TRMT9B: variants seen among roughly 807,000 people sequenced by gnomAD.
TRMT9B encodes the protein probable tRNA methyltransferase 9B.
A neutral mutation model predicts 11.5 loss-of-function variants in TRMT9B; 16 were observed. The observed-to-expected ratio is 1.39, with a 90% CI of 0.94 to 2.11. TRMT9B has a LOEUF of 2.11. Among genes scored for constraint, TRMT9B ranks in the 30% most tolerant of loss-of-function variants. The pLI is 0.00. For synonymous variants in TRMT9B, 274 were observed against 192.4 expected (o/e 1.42, Z -3.51); for missense variants, 941 against 553.8 (o/e 1.70, Z -7.02).
chr8:13,004,851 C>G (rs949043801), intron 2 of TRMT9B, among the ~76,000 whole-genome samples: 1 of 151,948 alleles, frequency 6.6e-6, no homozygotes, highest in Non-Finnish European at 1.5e-5. Context: ...GGGAAGGGGT[C>G]TTTGGAAAGG....
intron 1 of TRMT9B, chr8:12,961,785 C>T (rs1206621794): frequency 6.6e-6 from 1 of 151,834 alleles, no homozygotes. Context: ...TACATAGCTC[C>T]AAGTCAAAAG....
At chr8:13,000,802 G>T (rs1002332884) in intron 2 of TRMT9B, among the ~76,000 whole-genome samples, 6 of 152,188 alleles carry the variant, frequency 3.9e-5, no homozygotes, top group African/African-American at 1.4e-4. Context: ...TAAAAAAGCA[G>T]TTTCCCTGCC....
At chr8:12,971,778 T>A (rs1803667557) in intron 1 of TRMT9B, among the ~76,000 whole-genome samples, 1 of 152,354 alleles carries the variant, frequency 6.6e-6, no homozygotes, top group Non-Finnish European at 1.5e-5. Flanking sequence ...CGCTTTTACA[T>A]ATTATAAGCA....
At chr8:12,991,954 C>T (rs545577025) in intron 2 of TRMT9B, among the ~76,000 whole-genome samples, 2 of 152,144 alleles carry the variant, frequency 1.3e-5, no homozygotes, top group East Asian at 1.9e-4. Flanking sequence ...AACAACAGAC[C>T]TCTGGGGCAG....
intron 1 of TRMT9B, among the ~76,000 whole-genome samples, chr8:12,955,627 C>G (rs1003941161): frequency 1.3e-5 from 2 of 152,158 alleles, no homozygotes; most frequent in African/African-American, 4.8e-5. Context: ...TTCCATGGTT[C>G]TTCTGGGGTG....
chr8:13,021,789 T>G lies in TRMT9B; in HGVS notation c.1110T>G (p.Pro370=), dbSNP rs1280749163. Residue 370 remains proline, a synonymous_variant, in exon 5 of 5, where the codon CCT becomes CCG. Coordinates refer to ENST00000524591, the MANE Select transcript of TRMT9B (RefSeq NM_020844.3). ...CAGGCAACATAGAAGATGATAATCC[T>G]TCTGCTAGTAAAATATTGAGAAGGA... ...VDAGNIEDDN[P]SASKILRRIS... The G allele has an allele frequency of 6.2e-7, 1 of 1,613,854 alleles. No homozygotes were observed. The highest frequency in any genetic ancestry group is 1.7e-5 in the Admixed American group (1 of 60,006).
At chr8:12,995,568 C>A (rs1339548099) in intron 2 of TRMT9B, among the ~76,000 whole-genome samples, 1 of 152,134 alleles carries the variant, frequency 6.6e-6, no homozygotes, top group Non-Finnish European at 1.5e-5. Flanking sequence ...TGCACTTCCC[C>A]TGGTTTCTTT....
At position 13,022,214 on chromosome 8, in the gene TRMT9B, A is replaced by T. The variant is rs531178582; in HGVS notation, c.*170A>T. ...TGTTTTCATTTTTGAATAAGCACAGATTCTGGCATTGAAAGCACTTGACAA... is the reference window on the plus strand; with the variant it reads ...TGTTTTCATTTTTGAATAAGCACAGTTTCTGGCATTGAAAGCACTTGACAA... On this transcript the variant is annotated 3_prime_UTR_variant, in exon 5 of 5. Coordinates refer to ENST00000524591, the MANE Select transcript of TRMT9B (RefSeq NM_020844.3). 13 of 550,280 alleles carry T rather than the reference A, an allele frequency of 2.4e-5. No individual in the cohort carries two copies. In the South Asian group the frequency reaches 3.8e-4, roughly 16 times the overall value. The allele number at this position is 550,280 out of a possible 1,614,324, so 34.1% of individuals were successfully genotyped here.
intron 1 of TRMT9B, chr8:12,961,908 T>C (rs1006897930): frequency 6.6e-6 from 1 of 152,228 alleles, no homozygotes; most frequent in African/African-American, 2.4e-5. Flanking sequence ...GCGAGGAGAA[T>C]ATATTCAATC....
chr8:12,994,045 C>G (rs958767930), intron 2 of TRMT9B, among the ~76,000 whole-genome samples: 2 of 152,234 alleles, frequency 1.3e-5, no homozygotes, highest in African/African-American at 4.8e-5. Context: ...GAATAACTGT[C>G]CGAGACTGGA....
chr8:12,950,533 G>A (rs1410565454), intron 1 of TRMT9B, among the ~76,000 whole-genome samples: 1 of 112,830 alleles, frequency 8.9e-6, no homozygotes, highest in Non-Finnish European at 2.2e-5. Flanking sequence ...CCAGACTCGT[G>A]GTTTTTTCTT....
chr8:12,951,878 C>G (rs955493480), intron 1 of TRMT9B: 5 of 152,330 alleles, frequency 3.3e-5, no homozygotes, highest in African/African-American at 1.2e-4. Flanking sequence ...GCGAAGCACC[C>G]CCGACCGGGC....
At chr8:13,020,683 T>A (rs746989818) in intron 4 of TRMT9B, among the ~76,000 whole-genome samples, 1 of 152,226 alleles carries the variant, frequency 6.6e-6, no homozygotes, top group Admixed American at 6.5e-5. Flanking sequence ...AAAAAATCCA[T>A]AGTATTTTGG....
chr8:12,963,074 G>A (rs1475686463), intron 1 of TRMT9B, among the ~76,000 whole-genome samples: 2 of 152,168 alleles, frequency 1.3e-5, no homozygotes, highest in Admixed American at 1.3e-4. Context: ...CTAAAAAATG[G>A]AGGAAAAATT....
intron 2 of TRMT9B, among the ~76,000 whole-genome samples, chr8:13,003,851 C>T (rs766018123): frequency 6.0e-5 from 9 of 149,284 alleles, no homozygotes; most frequent in Admixed American, 6.8e-5. Context: ...ATCAGGAGAG[C>T]GCTCACAGTG....
At chr8:12,984,847 G>A (rs776294890) in intron 1 of TRMT9B, among the ~76,000 whole-genome samples, 1 of 151,926 alleles carries the variant, frequency 6.6e-6, no homozygotes, top group Non-Finnish European at 1.5e-5. Context: ...CCTTGTCATT[G>A]TCTGTGGAGG....
In TRMT9B at chr8:12,960,314, A is replaced by C. The variant is rs184531928; in HGVS notation, c.-200+14348A>C. The C allele has an allele frequency of 2.6e-5, 4 of 152,332 alleles. No individual in the cohort carries two copies. In the East Asian group the frequency reaches 5.8e-4, roughly 22 times the overall value. 9.4% of individuals were successfully genotyped at this position (152,332 alleles called of 1,614,324 possible). A position where few individuals can be genotyped will look rare whatever the true frequency, so the allele number is the denominator to read the frequency against. On this transcript the variant is annotated intron_variant, in intron 1 of 4. Coordinates refer to ENST00000524591, the MANE Select transcript of TRMT9B (RefSeq NM_020844.3). Reference sequence around the variant, plus strand: ...CCAAGCTTAAGAAAATATATCTGCAAAAGCTACCTGACAATCAGAAATGGT... The same window carrying C: ...CCAAGCTTAAGAAAATATATCTGCACAAGCTACCTGACAATCAGAAATGGT...
intron 2 of TRMT9B, among the ~76,000 whole-genome samples, chr8:13,004,146 A>AGCAGTCTGAACTTGAGTTCCG (rs1211040733): frequency 2.6e-5 from 4 of 152,030 alleles, no homozygotes; most frequent in African/African-American, 9.7e-5. Context: ...TGCTGGTCCC[A>AGCAGTCTGAACTTGAGTTCCG]GCAGTCTGAA....
intron 1 of TRMT9B, among the ~76,000 whole-genome samples, chr8:12,983,398 A>AGT (rs953210331): frequency 2.6e-5 from 4 of 152,168 alleles, no homozygotes; most frequent in African/African-American, 9.7e-5. Context: ...GGCTGGGTAC[A>AGT]GTGGCTCATG....
Sources: allele counts gnomAD v4.1 joint callset (sites outside exome capture counted in the v4.1 genomes callset), GRCh38; gene constraint gnomAD v4.1.1; transcripts MANE v1.5; gene names NCBI Gene and HGNC (gene_info 2026-07-23, HGNC 2026-07-21).